Variants in CACNG4 observed in about 807,000 individuals in gnomAD.
CACNG4 encodes calcium voltage-gated channel auxiliary subunit gamma 4.
Under a neutral mutation model 22.9 loss-of-function variants are expected in CACNG4, and 8 were observed. That is an observed-to-expected ratio of 0.35 (90% CI 0.21 to 0.63). The LOEUF is 0.63. Ranked by LOEUF, CACNG4 falls within the 30% of genes least tolerant of loss-of-function variation. CACNG4 has a pLI of 0.72. For synonymous variants in CACNG4, 188 were observed against 191.9 expected, an observed-to-expected ratio of 0.98 and a Z score of 0.17; for missense variants, 357 against 455.4, an observed-to-expected ratio of 0.78 and a Z score of 1.97.
At chr17:67,008,119 C>T (rs570778219) in intron 1 of CACNG4, among the ~76,000 whole-genome samples, 1 of 152,354 alleles carries the variant, frequency 6.6e-6, no homozygotes, top group South Asian at 2.1e-4. Flanking sequence ...ACCTCACACA[C>T]AGCAGGTGCT....
intron 1 of CACNG4, among the ~76,000 whole-genome samples, chr17:66,991,577 C>T (rs528168643): frequency 6.6e-6 from 1 of 152,298 alleles, no homozygotes; most frequent in East Asian, 1.9e-4. Flanking sequence ...AGACTGGCAA[C>T]ACCTCCCTAC....
At chr17:67,016,477 T>G (rs1330332662) in intron 1 of CACNG4, among the ~76,000 whole-genome samples, 1 of 152,178 alleles carries the variant, frequency 6.6e-6, no homozygotes, top group Non-Finnish European at 1.5e-5. Context: ...AATCAGCTTC[T>G]TGGTGACCAG....
chr17:66,972,131 C>T (rs566264831), intron 1 of CACNG4, among the ~76,000 whole-genome samples: 1 of 152,022 alleles, frequency 6.6e-6, no homozygotes, highest in Non-Finnish European at 1.5e-5. Flanking sequence ...AGCACCATGG[C>T]CAAGTAGGGA....
rs762031958 is a variant in CACNG4, at chr17:67,024,948, C to T, written c.393C>T (p.Tyr131=). The T allele has an allele frequency of 5.6e-6, 9 of 1,606,856 alleles. No homozygotes were observed. Among genetic ancestry groups the T allele is most frequent in the South Asian group, 2.2e-5 (2 of 89,798 alleles). The change falls in exon 3 of 4, where the codon TAC becomes TAT. Residue 131 remains tyrosine (Y), a synonymous_variant. Transcript: ENST00000262138. The part of the protein sequence containing the change: ...GGLCIGAGRI[Y]SRKNNIVLSA... ...TGTGCATCGGTGCTGGCAGGATCTA[C>T]AGCCGCAAGAACAACATCGTCCTCA...
At chr17:66,990,712 G>A (rs1202806352) in intron 1 of CACNG4, among the ~76,000 whole-genome samples, 3 of 149,198 alleles carry the variant, frequency 2.0e-5, no homozygotes, top group South Asian at 2.1e-4. Context: ...ACGGAGTCTC[G>A]CTCTATCGCC....
intron 1 of CACNG4, among the ~76,000 whole-genome samples, chr17:66,980,748 A>G (rs1443190312): frequency 6.7e-6 from 1 of 148,622 alleles, no homozygotes; most frequent in Admixed American, 6.8e-5. Context: ...CCTCCTGAGT[A>G]GCTGGAATTA....
Position 66,964,872 on chromosome 17 carries a change from C to A in CACNG4, c.-40C>A. ...GAGGGAGGAGGGCGGGCGGGCGCGG[C>A]GGGCCGGGCCGGCGGGCGGCGGACT... On this transcript the variant is annotated 5_prime_UTR_variant, in exon 1 of 4. Transcript: ENST00000262138. 8.3e-7 allele frequency: 1 copy of A among 1,212,022 alleles called. No homozygotes were observed. The highest frequency in any genetic ancestry group is 3.8e-5 in the East Asian group (1 of 26,178). 75.1% of individuals were successfully genotyped at this position (1,212,022 alleles called of 1,614,324 possible).
chr17:66,972,916 ACT>A (rs1440480590), intron 1 of CACNG4, among the ~76,000 whole-genome samples: 1 of 150,520 alleles, frequency 6.6e-6, no homozygotes, highest in African/African-American at 2.5e-5. Flanking sequence ...ACAGAGTGAG[ACT>A]CTGTCTCAAA....
At chr17:67,018,128 G>C (rs544483021) in intron 1 of CACNG4, 61 bp from the exon 2 acceptor site, 1 of 1,267,828 alleles carries the variant, frequency 7.9e-7, no homozygotes, top group Non-Finnish European at 1.2e-6. Flanking sequence ...CGTGTCTGGA[G>C]TGAACGGATG....
intron 1 of CACNG4, among the ~76,000 whole-genome samples, chr17:66,987,230 A>G (rs573038868): frequency 1.3e-5 from 2 of 152,316 alleles, no homozygotes; most frequent in African/African-American, 2.4e-5. Context: ...GATTTGTTCC[A>G]AAGTTTGTAT....
At chr17:66,971,558 G>A (rs1013250670) in intron 1 of CACNG4, among the ~76,000 whole-genome samples, 15 of 152,182 alleles carry the variant, frequency 9.9e-5, no homozygotes, top group Admixed American at 1.3e-4. Flanking sequence ...GCACTTCTAG[G>A]TGCAGATTTA....
At chr17:67,016,658 C>T (rs1236099648) in intron 1 of CACNG4, among the ~76,000 whole-genome samples, 1 of 152,162 alleles carries the variant, frequency 6.6e-6, no homozygotes. Flanking sequence ...GGAAACTGCT[C>T]CTTTGGTGTC....
chr17:67,028,279 C>A (rs1032183971), intron 3 of CACNG4, among the ~76,000 whole-genome samples: 9 of 151,792 alleles, frequency 5.9e-5, no homozygotes, highest in Non-Finnish European at 7.4e-5. Context: ...ATGGGCCGGG[C>A]ACGGTGGCTC....
At chr17:67,029,575 A>T (rs2035588962) in intron 3 of CACNG4, among the ~76,000 whole-genome samples, 1 of 152,178 alleles carries the variant, frequency 6.6e-6, no homozygotes. Flanking sequence ...CGGAGGTTGC[A>T]GTGAGCCGAG....
chr17:67,020,483 G>A (rs1005758022), intron 2 of CACNG4, among the ~76,000 whole-genome samples: 1 of 152,226 alleles, frequency 6.6e-6, no homozygotes, highest in Non-Finnish European at 1.5e-5. Context: ...GATGCACATG[G>A]AAGAGACAGC....
At chr17:66,982,117 G>A (rs956626414) in intron 1 of CACNG4, among the ~76,000 whole-genome samples, 4 of 152,346 alleles carry the variant, frequency 2.6e-5, no homozygotes, top group South Asian at 2.1e-4. Flanking sequence ...CGGACCCAAA[G>A]AGTGAGCAGC....
intron 1 of CACNG4, among the ~76,000 whole-genome samples, chr17:66,974,426 G>T (rs2035223581): frequency 6.6e-6 from 1 of 152,102 alleles, no homozygotes; most frequent in Non-Finnish European, 1.5e-5. Flanking sequence ...GGGGAAAGAG[G>T]CCAGGCTTTG....
At chr17:66,998,325 G>A (rs2035387367) in intron 1 of CACNG4, among the ~76,000 whole-genome samples, 1 of 152,084 alleles carries the variant, frequency 6.6e-6, no homozygotes, top group Admixed American at 6.5e-5. Context: ...GGGCTTAGGT[G>A]ATCCTCCTGC....
At chr17:67,026,353 GGT>G (rs1382199303) in intron 3 of CACNG4, among the ~76,000 whole-genome samples, 3 of 147,988 alleles carry the variant, frequency 2.0e-5, no homozygotes, top group African/African-American at 7.5e-5. Flanking sequence ...GTGTGAGCAT[GGT>G]GTGTGTGTAT....
Sources: gnomAD v4.1 joint callset for allele counts (sites outside exome capture counted in the v4.1 genomes callset) on GRCh38, gnomAD v4.1.1 for gene constraint, MANE v1.5 for transcripts, NCBI Gene and HGNC (gene_info 2026-07-23, HGNC 2026-07-21) for gene names.